LHCGR: variants seen among roughly 807,000 people sequenced by gnomAD.
LHCGR encodes lutropin-choriogonadotropic hormone receptor.
In LHCGR, 55 loss-of-function variants were observed where a neutral mutation model predicts 60.7. The observed-to-expected ratio is 0.91, with a 90% CI of 0.73 to 1.13. LHCGR has a LOEUF of 1.13. Ranked by LOEUF, LHCGR falls within the 50% of genes most tolerant of loss-of-function variation. The pLI, the probability that LHCGR is intolerant of heterozygous loss-of-function variation, is 0.00. For missense variants in LHCGR, 862 were observed against 836.0 expected, an observed-to-expected ratio of 1.03 and a Z score of -0.38; for synonymous variants, 337 against 316.5, an observed-to-expected ratio of 1.06 and a Z score of -0.69.
chr2:48,718,544 G>T (rs1458028402), intron 6 of LHCGR, among the ~76,000 whole-genome samples: 1 of 152,178 alleles, frequency 6.6e-6, no homozygotes, highest in Non-Finnish European at 1.5e-5. Flanking sequence ...TGGACCCATT[G>T]CTAAAAGGCA....
intron 1 of LHCGR, among the ~76,000 whole-genome samples, chr2:48,747,709 C>G (rs933959527): frequency 6.6e-6 from 1 of 152,138 alleles, no homozygotes; most frequent in Non-Finnish European, 1.5e-5. Flanking sequence ...GCTAAGATGC[C>G]AGATATTCTC....
At chr2:48,732,975 T>C (rs1669064191) in intron 1 of LHCGR, 1 of 532,284 alleles carries the variant, frequency 1.9e-6, no homozygotes, top group Non-Finnish European at 3.9e-6. Context: ...TGGGAAGAAA[T>C]CTTCTTGTGA....
intron 8 of LHCGR, among the ~76,000 whole-genome samples, chr2:48,705,989 T>C (rs1667646295): frequency 6.6e-6 from 1 of 152,126 alleles, no homozygotes; most frequent in African/African-American, 2.4e-5. Flanking sequence ...TTCATAGCAT[T>C]GATGGCCTTT....
At chr2:48,754,261 G>T (rs1490516212) in intron 1 of LHCGR, among the ~76,000 whole-genome samples, 1 of 152,192 alleles carries the variant, frequency 6.6e-6, no homozygotes, top group Admixed American at 6.5e-5. Context: ...ACATGAAGAA[G>T]CCTGGCCTGG....
Position 48,687,665 on chromosome 2 carries a change from ACAATT to A in LHCGR, c.*27_*31del. On this transcript the variant is annotated 3_prime_UTR_variant, in exon 11 of 11. Transcript: ENST00000294954. ...GTAATTTTTTTTTACAGGTTTAAGAACAATTCAATAATGCAGTTACTGATGTAACA... is the reference window on the plus strand; with the variant it reads ...GTAATTTTTTTTTACAGGTTTAAGAACAATAATGCAGTTACTGATGTAACA... 1 of 1,562,756 alleles carries A rather than the reference ACAATT, an allele frequency of 6.4e-7. No individual in the cohort carries two copies. The highest frequency in any genetic ancestry group is 1.1e-5 in the South Asian group (1 of 89,940).
intron 2 of LHCGR, 71 bp from the exon 3 acceptor site, chr2:48,729,298 C>T (rs1668881752): frequency 1.7e-6 from 2 of 1,169,116 alleles, no homozygotes; most frequent in African/African-American, 3.0e-5. Flanking sequence ...TGATTATGAG[C>T]TATGTGTGTG....
Position 48,731,218 on chromosome 2 carries a change from C to A in LHCGR, c.233+9G>T. 1 of 1,578,798 alleles carries A rather than the reference C, an allele frequency of 6.3e-7. No homozygotes were observed. Among genetic ancestry groups the A allele is most frequent in the Non-Finnish European group, 8.7e-7 (1 of 1,148,840 alleles). On this transcript the variant is annotated intron_variant, in intron 2 of 10. Transcript: ENST00000294954. Reference sequence around the variant, plus strand: ...ACGAATGTCTTTTGATATGCAGTAACTTACTTACATTTTTATGACCTCATT... The same window carrying A: ...ACGAATGTCTTTTGATATGCAGTAAATTACTTACATTTTTATGACCTCATT...
chr2:48,741,764 T>C (rs998829801), intron 1 of LHCGR, among the ~76,000 whole-genome samples: 1 of 149,402 alleles, frequency 6.7e-6, no homozygotes, highest in African/African-American at 2.5e-5. Flanking sequence ...CCATCGAGAC[T>C]AGGAAGAAAC....
chr2:48,751,663 G>A (rs748616933), intron 1 of LHCGR, among the ~76,000 whole-genome samples: 2 of 152,212 alleles, frequency 1.3e-5, no homozygotes, highest in African/African-American at 2.4e-5. Context: ...GTGAGAGGAA[G>A]AGGAAGACAC....
At chr2:48,733,013 T>G (rs1669065938) in intron 1 of LHCGR, 1 of 528,134 alleles carries the variant, frequency 1.9e-6, no homozygotes, top group Admixed American at 2.0e-5. Context: ...ATATTTCTTC[T>G]GGAATCATGT....
chr2:48,740,147 G>A (rs1391704569), intron 1 of LHCGR, among the ~76,000 whole-genome samples: 4 of 152,132 alleles, frequency 2.6e-5, no homozygotes, highest in Non-Finnish European at 4.4e-5. Flanking sequence ...CTTAAAAAAC[G>A]GTGCACGAGG....
At chr2:48,748,743 T>G (rs1423240746) in intron 1 of LHCGR, among the ~76,000 whole-genome samples, 1 of 152,174 alleles carries the variant, frequency 6.6e-6, no homozygotes, top group Non-Finnish European at 1.5e-5. Context: ...TACTTTTGGC[T>G]TTTTTTGGTC....
chr2:48,754,598 C>A (rs4073653), intron 1 of LHCGR, among the ~76,000 whole-genome samples: 18,288 of 152,058 alleles, frequency 0.12, 1,463 homozygotes, highest in South Asian at 0.3. Flanking sequence ...TTTCACCACC[C>A]CCCCGCCCCA....
chr2:48,707,390 G>C (rs1197932472), intron 8 of LHCGR, among the ~76,000 whole-genome samples: 1 of 152,132 alleles, frequency 6.6e-6, no homozygotes, highest in Non-Finnish European at 1.5e-5. Flanking sequence ...CCCTTGAGGA[G>C]GCAGTCTGTC....
intron 8 of LHCGR, 65 bp from the exon 9 acceptor site, chr2:48,698,865 G>A: frequency 5.9e-6 from 8 of 1,365,178 alleles, no homozygotes; most frequent in East Asian, 2.5e-5. Context: ...TTTTTGAGAC[G>A]GAGTCTTGCT....
chr2:48,715,328 C>T (rs1160861567), intron 6 of LHCGR, among the ~76,000 whole-genome samples: 1 of 152,156 alleles, frequency 6.6e-6, no homozygotes, highest in African/African-American at 2.4e-5. Context: ...ATGGGAATTT[C>T]TTACCATAAA....
In LHCGR at chr2:48,723,537, G is replaced by A. The variant is rs773197168; in HGVS notation, c.459-4C>T. 2 of 1,611,454 alleles carry A rather than the reference G, an allele frequency of 1.2e-6. No homozygotes were observed. The highest frequency in any genetic ancestry group is 1.7e-5 in the Admixed American group (1 of 59,972). On this transcript the variant is annotated splice_polypyrimidine_tract_variant and splice_region_variant and intron_variant, in intron 5 of 10. Coordinates refer to ENST00000294954, the MANE Select transcript of LHCGR (RefSeq NM_000233.4). ...GTGTAAGTTATCACAAATTTCCCTTGAGGAAAGAAATGAGAAATATTTACT... is the reference window on the plus strand; with the variant it reads ...GTGTAAGTTATCACAAATTTCCCTTAAGGAAAGAAATGAGAAATATTTACT...
At chr2:48,729,753 A>C (rs898180062) in intron 2 of LHCGR, among the ~76,000 whole-genome samples, 1 of 151,698 alleles carries the variant, frequency 6.6e-6, no homozygotes, top group African/African-American at 2.4e-5. Flanking sequence ...AAGGTGGTCA[A>C]CTCCTGCACA....
chr2:48,749,442 T>C (rs907544064), intron 1 of LHCGR, among the ~76,000 whole-genome samples: 4 of 152,198 alleles, frequency 2.6e-5, no homozygotes, highest in Admixed American at 1.3e-4. Context: ...TATGCTCCCA[T>C]GGAGCCAGCC....
Sources: gnomAD v4.1 joint callset for allele counts (sites outside exome capture counted in the v4.1 genomes callset) on GRCh38, gnomAD v4.1.1 for gene constraint, MANE v1.5 for transcripts, NCBI Gene and HGNC (gene_info 2026-07-23, HGNC 2026-07-21) for gene names.